FRMD4A: variants seen among roughly 807,000 people sequenced by gnomAD.
The protein encoded by FRMD4A is FERM domain-containing protein 4A.
A neutral mutation model predicts 129.1 loss-of-function variants in FRMD4A; 29 were observed. That is an observed-to-expected ratio of 0.22 (90% CI 0.17 to 0.31). The LOEUF (loss-of-function observed/expected upper bound fraction) is 0.31. FRMD4A is among the 10% of genes least tolerant of loss of function. FRMD4A has a pLI of 1.00. For synonymous variants in FRMD4A, 634 were observed against 571.6 expected, an observed-to-expected ratio of 1.11 and a Z score of -1.56; for missense variants, 1,272 against 1,375.8, an observed-to-expected ratio of 0.92 and a Z score of 1.19.
intron 2 of FRMD4A, among the ~76,000 whole-genome samples, chr10:13,864,665 T>A (rs1388916736): frequency 6.6e-6 from 1 of 151,024 alleles, no homozygotes; most frequent in Admixed American, 6.6e-5. Context: ...AACTTCTGCC[T>A]CCTGAGTTCA....
chr10:14,257,139 TG>T (rs1206785158), intron 2 of FRMD4A, among the ~76,000 whole-genome samples: 1 of 152,180 alleles, frequency 6.6e-6, no homozygotes, highest in Non-Finnish European at 1.5e-5. Flanking sequence ...GAGACCAGCC[TG>T]GCCAACCTGG....
intron 3 of FRMD4A, among the ~76,000 whole-genome samples, chr10:13,825,085 T>A (rs1337657411): frequency 6.6e-6 from 1 of 152,132 alleles, no homozygotes; most frequent in Non-Finnish European, 1.5e-5. Context: ...TACTGCTTTT[T>A]GTCCTATACA....
At chr10:14,224,577 T>A (rs1220069343) in intron 2 of FRMD4A, among the ~76,000 whole-genome samples, 4 of 152,230 alleles carry the variant, frequency 2.6e-5, no homozygotes, top group Admixed American at 6.5e-5. Context: ...AATTTTGATT[T>A]TTTTTTTCTG....
intron 2 of FRMD4A, among the ~76,000 whole-genome samples, chr10:14,143,984 A>C (rs1183661765): frequency 6.6e-6 from 1 of 152,164 alleles, no homozygotes; most frequent in African/African-American, 2.4e-5. Context: ...CAAAATGTTG[A>C]ATATATGCAA....
At chr10:14,070,494 A>T (rs1835268166) in intron 2 of FRMD4A, among the ~76,000 whole-genome samples, 1 of 152,156 alleles carries the variant, frequency 6.6e-6, no homozygotes, top group South Asian at 2.1e-4. Context: ...AGGTAAAATG[A>T]CCAAGGAAGG....
At chr10:13,654,027 A>C in intron 23 of FRMD4A, 1 of 368,574 alleles carries the variant, frequency 2.7e-6, no homozygotes, top group Non-Finnish European at 4.8e-6. Flanking sequence ...GCCCCAGTGT[A>C]TTTGCTGTCT....
chr10:13,695,433 G>A (rs1234586464), intron 14 of FRMD4A, among the ~76,000 whole-genome samples: 1 of 152,176 alleles, frequency 6.6e-6, no homozygotes, highest in Admixed American at 6.5e-5. Context: ...GAGCCACCGC[G>A]CCTGGCTAAA....
chr10:13,762,406 C>T (rs1181228369), intron 7 of FRMD4A, among the ~76,000 whole-genome samples: 1 of 152,126 alleles, frequency 6.6e-6, no homozygotes, highest in Non-Finnish European at 1.5e-5. Context: ...CTTCGCTTTA[C>T]AGGGATTTTC....
At chr10:13,786,403 G>A (rs957621924) in intron 5 of FRMD4A, among the ~76,000 whole-genome samples, 10 of 152,072 alleles carry the variant, frequency 6.6e-5, no homozygotes, top group East Asian at 5.8e-4. Flanking sequence ...TCAGGAGTTC[G>A]AGACCAGCCT....
chr10:14,116,148 T>G (rs111689623), intron 2 of FRMD4A, among the ~76,000 whole-genome samples: 18 of 152,352 alleles, frequency 1.2e-4, no homozygotes, highest in African/African-American at 4.3e-4. Context: ...GCACCTTCTG[T>G]GCATGCAAAT....
At position 13,684,855 on chromosome 10, in the gene FRMD4A, C is replaced by G. The variant is rs1398296990; in HGVS notation, c.1117+9043G>C. On this transcript the variant is annotated intron_variant, in intron 15 of 24. Coordinates refer to ENST00000357447, the MANE Select transcript of FRMD4A (RefSeq NM_018027.5). ...CTAAAGAAGGGAAATGACAATCCGT[C>G]TCTTTAGACCTTAGAGAAAAAAAAA... 3.3e-5 allele frequency: 32 copies of G among 977,708 alleles called. No individual in the cohort carries two copies. The Middle Eastern group carries it at 3.1e-3, about 96-fold the overall frequency. The allele number at this position is 977,708 out of a possible 1,614,324, so 60.6% of individuals were successfully genotyped here.
At chr10:14,238,556 T>C (rs867358174) in intron 2 of FRMD4A, among the ~76,000 whole-genome samples, 1 of 152,226 alleles carries the variant, frequency 6.6e-6, no homozygotes, top group Non-Finnish European at 1.5e-5. Flanking sequence ...GGGATACATG[T>C]GCAGAACGTG....
At chr10:13,809,344 G>T (rs750612341) in intron 4 of FRMD4A, among the ~76,000 whole-genome samples, 2 of 152,152 alleles carry the variant, frequency 1.3e-5, no homozygotes, top group Non-Finnish European at 2.9e-5. Flanking sequence ...AAACTTACGT[G>T]GGAAATGTGA....
At chr10:13,760,160 G>A (rs1290940073) in intron 8 of FRMD4A, among the ~76,000 whole-genome samples, 4 of 152,018 alleles carry the variant, frequency 2.6e-5, no homozygotes, top group Non-Finnish European at 4.4e-5. Flanking sequence ...ATCCTATGGG[G>A]CTGCTTTTGC....
chr10:14,123,124 A>AC (rs1484451957), intron 2 of FRMD4A, among the ~76,000 whole-genome samples: 5 of 19,292 alleles, frequency 2.6e-4, no homozygotes, highest in Admixed American at 6.2e-4. Context: ...CAAAAAAAAC[A>AC]AAAAAACAAA....
At chr10:13,750,617 A>G (rs1274408451) in intron 8 of FRMD4A, among the ~76,000 whole-genome samples, 1 of 152,208 alleles carries the variant, frequency 6.6e-6, no homozygotes, top group East Asian at 1.9e-4. Flanking sequence ...GGGAACACGG[A>G]CAGACATGGA....
chr10:13,819,641 G>A (rs911953172), intron 3 of FRMD4A, among the ~76,000 whole-genome samples: 19 of 151,878 alleles, frequency 1.3e-4, no homozygotes, highest in Non-Finnish European at 2.2e-4. Flanking sequence ...CACAAAAGAC[G>A]TGATCCTTGG....
At chr10:13,703,969 CA>C (rs1384355303) in intron 13 of FRMD4A, among the ~76,000 whole-genome samples, 3 of 152,140 alleles carry the variant, frequency 2.0e-5, no homozygotes, top group Admixed American at 1.3e-4. Flanking sequence ...GGCGCCACTG[CA>C]TTCCAGCCTG....
At chr10:14,162,095 T>A (rs1047382528) in intron 2 of FRMD4A, among the ~76,000 whole-genome samples, 53 of 151,682 alleles carry the variant, frequency 3.5e-4, no homozygotes, top group African/African-American at 1.3e-3. Flanking sequence ...AATAGAAAAA[T>A]TAAGGTATTT....
Sources: allele counts gnomAD v4.1 joint callset (sites outside exome capture counted in the v4.1 genomes callset), GRCh38; gene constraint gnomAD v4.1.1; transcripts MANE v1.5; gene names NCBI Gene and HGNC (gene_info 2026-07-23, HGNC 2026-07-21).